Variants in SOX5 observed in about 807,000 individuals in gnomAD.
SOX5 encodes SRY-box transcription factor 5.
In SOX5, 9 loss-of-function variants were observed where a neutral mutation model predicts 92.0. The ratio of observed to expected loss-of-function variants is 0.10; its 90% CI spans 0.06 to 0.17. SOX5 has a LOEUF of 0.17. Among genes scored for constraint, SOX5 ranks in the 10% least tolerant of loss-of-function variants. The pLI is 1.00. For synonymous variants in SOX5, 344 were observed against 336.3 expected (o/e 1.02, Z -0.25); for missense variants, 642 against 944.5 (o/e 0.68, Z 4.20).
At chr12:23,886,972 T>A (rs2097074780) in intron 2 of SOX5, among the ~76,000 whole-genome samples, 1 of 152,104 alleles carries the variant, frequency 6.6e-6, no homozygotes, top group Non-Finnish European at 1.5e-5. Context: ...GCACTGAAAA[T>A]AAAACTATCA....
chr12:24,021,549 G>A (rs979811356), intron 4 of SOX5, among the ~76,000 whole-genome samples: 3 of 152,120 alleles, frequency 2.0e-5, no homozygotes, highest in African/African-American at 7.2e-5. Flanking sequence ...TCAAGACCCA[G>A]TGTTCCTCAA....
intron 4 of SOX5, among the ~76,000 whole-genome samples, chr12:24,139,417 G>C (rs979742296): frequency 2.0e-5 from 3 of 151,960 alleles, no homozygotes. Context: ...TTAACAGGAT[G>C]GAAAAATGGA....
intron 6 of SOX5, among the ~76,000 whole-genome samples, chr12:23,727,232 C>T (rs2140745982): frequency 6.6e-6 from 1 of 152,214 alleles, no homozygotes; most frequent in African/African-American, 2.4e-5. Flanking sequence ...TAGAGCAACA[C>T]AGACTTTGTT....
chr12:23,826,709 A>C (rs549338726), intron 3 of SOX5, among the ~76,000 whole-genome samples: 9 of 152,218 alleles, frequency 5.9e-5, no homozygotes, highest in African/African-American at 1.9e-4. Context: ...TAAAAAAAAA[A>C]AGTAGAGAAG....
intron 3 of SOX5, among the ~76,000 whole-genome samples, chr12:23,769,270 T>A (rs2094843086): frequency 6.6e-6 from 1 of 152,112 alleles, no homozygotes; most frequent in Non-Finnish European, 1.5e-5. Context: ...ATTGAATCTC[T>A]TGTTTCCATA....
At chr12:23,992,975 C>G (rs1950702515) in intron 4 of SOX5, among the ~76,000 whole-genome samples, 1 of 152,192 alleles carries the variant, frequency 6.6e-6, no homozygotes, top group South Asian at 2.1e-4. Context: ...TATGTGACTT[C>G]TCCTTCTGGT....
Position 24,455,029 on chromosome 12 carries a change from T to C in SOX5, c.-250-86390A>G, listed in dbSNP as rs77259637. The stretch of plus-strand genomic sequence containing the variant: ...CACACCTCGTTTATCCCACCAAATA[T>C]GTCCACTGCAAGAATGCATTGATAT... On this transcript the variant is annotated intron_variant, in intron 1 of 4. Coordinates refer to the SOX5 transcript ENST00000446891. 4.9e-4 allele frequency among the ~76,000 whole-genome samples: 74 copies of C among 152,324 alleles called. No individual in the cohort carries two copies. In the East Asian group the frequency reaches 0.013, roughly 27 times the overall value.
chr12:23,549,213 A>G (rs758964541), intron 11 of SOX5, among the ~76,000 whole-genome samples: 31 of 152,146 alleles, frequency 2.0e-4, no homozygotes, highest in Admixed American at 1.2e-3. Flanking sequence ...CAAGGACAGT[A>G]GATTTCAGGT....
chr12:23,783,317 G>A (rs768105308), intron 3 of SOX5, among the ~76,000 whole-genome samples: 22 of 152,086 alleles, frequency 1.4e-4, no homozygotes, highest in Non-Finnish European at 1.9e-4. Flanking sequence ...TGTCTAGTTC[G>A]TATAACAGTA....
intron 4 of SOX5, among the ~76,000 whole-genome samples, chr12:24,138,271 G>A (rs1304416900): frequency 6.6e-6 from 1 of 152,218 alleles, no homozygotes; most frequent in African/African-American, 2.4e-5. Flanking sequence ...AAGCAAAAAA[G>A]GAAGTGTGCT....
At chr12:24,094,254 A>G (rs538192809) in intron 4 of SOX5, among the ~76,000 whole-genome samples, 3 of 152,296 alleles carry the variant, frequency 2.0e-5, no homozygotes, top group South Asian at 4.1e-4. Context: ...GCGAAATTGT[A>G]TATCATTTTA....
At chr12:24,234,054 C>T (rs1043074821) in intron 3 of SOX5, among the ~76,000 whole-genome samples, 1 of 152,172 alleles carries the variant, frequency 6.6e-6, no homozygotes, top group Non-Finnish European at 1.5e-5. Flanking sequence ...AATCCGAGGC[C>T]AACTTCCTCA....
chr12:24,171,109 C>G (rs11047294), intron 4 of SOX5, among the ~76,000 whole-genome samples: 1 of 139,914 alleles, frequency 7.1e-6, no homozygotes, highest in Non-Finnish European at 1.5e-5. Context: ...TTATTTTACT[C>G]TAAGCCTTTC....
intron 2 of SOX5, among the ~76,000 whole-genome samples, chr12:23,883,623 T>A (rs2097025396): frequency 6.6e-6 from 1 of 152,100 alleles, no homozygotes; most frequent in African/African-American, 2.4e-5. Context: ...GGCACAGGGA[T>A]CCTGCAAAAC....
chr12:23,956,616 T>G (rs991861675), intron 4 of SOX5, among the ~76,000 whole-genome samples: 1 of 152,122 alleles, frequency 6.6e-6, no homozygotes, highest in East Asian at 1.9e-4. Context: ...GCTAAAATGG[T>G]TGGGGACTGC....
At chr12:24,210,346 C>A (rs1048801478) in intron 4 of SOX5, among the ~76,000 whole-genome samples, 1 of 152,164 alleles carries the variant, frequency 6.6e-6, no homozygotes, top group Non-Finnish European at 1.5e-5. Context: ...AGTCACCCAG[C>A]TAGTAAGTTT....
chr12:23,867,367 C>T (rs1276145901), intron 2 of SOX5, among the ~76,000 whole-genome samples: 1 of 152,098 alleles, frequency 6.6e-6, no homozygotes, highest in Non-Finnish European at 1.5e-5. Context: ...TTTTCCCAGT[C>T]ACACAAGATT....
intron 2 of SOX5, among the ~76,000 whole-genome samples, chr12:23,864,897 A>G (rs995233683): frequency 6.6e-6 from 1 of 152,200 alleles, no homozygotes; most frequent in African/African-American, 2.4e-5. Context: ...TAGACAAAAC[A>G]ATCTTCTATT....
At chr12:24,121,034 T>A (rs1030578329) in intron 4 of SOX5, among the ~76,000 whole-genome samples, 4 of 152,212 alleles carry the variant, frequency 2.6e-5, no homozygotes, top group Admixed American at 2.0e-4. Flanking sequence ...CAGCACCAAC[T>A]AGGCACATTT....
Sources: allele counts gnomAD v4.1 joint callset (sites outside exome capture counted in the v4.1 genomes callset), GRCh38; gene constraint gnomAD v4.1.1; transcripts MANE v1.5; gene names NCBI Gene and HGNC (gene_info 2026-07-23, HGNC 2026-07-21).